PTPRD: variants seen among roughly 807,000 people sequenced by gnomAD.
The protein encoded by PTPRD is receptor-type tyrosine-protein phosphatase delta.
PTPRD carries 34 observed loss-of-function variants against 214.5 expected under a neutral mutation model. That is an observed-to-expected ratio of 0.16 (90% CI 0.12 to 0.21). PTPRD has a LOEUF of 0.21. Ranked by LOEUF, PTPRD falls within the 10% of genes least tolerant of loss-of-function variation. PTPRD has a pLI of 1.00. For missense variants in PTPRD, 2,545 were observed against 2,398.7 expected (o/e 1.06, Z -1.27); for synonymous variants, 1,128 against 845.7 (o/e 1.33, Z -5.79).
In PTPRD at chr9:8,803,969, C is replaced by CA. The variant is rs376927926; in HGVS notation, c.-103-70024dup. Among the ~76,000 whole-genome samples the CA allele has an allele frequency of 3.7e-3, 559 of 151,900 alleles. 3 individuals are homozygous for CA. Among genetic ancestry groups the CA allele is most frequent in the African/African-American group, 0.012 (479 of 41,462 alleles). ...CCCTCACTTCTTCCCTCCACCCCCC[C>CA]ACAGACGGAGTCTCGCTCTGTTGCC... On this transcript the variant is annotated intron_variant, in intron 11 of 45. Coordinates refer to ENST00000381196, the MANE Select transcript of PTPRD (RefSeq NM_002839.4).
intron 5 of PTPRD, among the ~76,000 whole-genome samples, chr9:9,926,407 C>G (rs1385954242): frequency 6.6e-6 from 1 of 151,646 alleles, no homozygotes; most frequent in Non-Finnish European, 1.5e-5. Context: ...GGGATAAAGC[C>G]AGGGAATATG....
chr9:10,362,674 G>A (rs978775485), intron 2 of PTPRD, among the ~76,000 whole-genome samples: 23 of 152,052 alleles, frequency 1.5e-4, no homozygotes, highest in Non-Finnish European at 2.6e-4. Context: ...GAGGTCAGGA[G>A]ATCGAGACCA....
At chr9:8,601,155 T>C (rs1025158082) in intron 14 of PTPRD, among the ~76,000 whole-genome samples, 6 of 152,252 alleles carry the variant, frequency 3.9e-5, no homozygotes, top group African/African-American at 9.6e-5. Flanking sequence ...GATGTTCCTC[T>C]ATCTGTGGAA....
At chr9:8,797,606 G>A (rs990657884) in intron 11 of PTPRD, among the ~76,000 whole-genome samples, 1 of 152,110 alleles carries the variant, frequency 6.6e-6, no homozygotes, top group Non-Finnish European at 1.5e-5. Flanking sequence ...AAACTCTCTG[G>A]AACTGTCTCA....
chr9:9,161,554 G>A (rs536654570), intron 10 of PTPRD, among the ~76,000 whole-genome samples: 2 of 152,146 alleles, frequency 1.3e-5, no homozygotes, highest in South Asian at 4.2e-4. Context: ...AGAAGCTAGA[G>A]ATGTAACAAA....
intron 9 of PTPRD, among the ~76,000 whole-genome samples, chr9:9,304,609 T>C (rs985438763): frequency 1.3e-5 from 2 of 151,808 alleles, no homozygotes; most frequent in African/African-American, 2.4e-5. Context: ...CTAATTTCTG[T>C]TGGAAAGCTC....
In PTPRD at chr9:9,504,026, C is replaced by T. The variant is rs566510393; in HGVS notation, c.-237+70706G>A. On this transcript the variant is annotated intron_variant, in intron 8 of 45. Transcript: ENST00000381196. ...TTATTCCTTTAAAAATCTTTGTCTT[C>T]CTTTACCTCCCCAAATGCACCACAT... 4.0e-5 allele frequency among the ~76,000 whole-genome samples: 6 copies of T among 151,778 alleles called. No homozygotes were observed. In the East Asian group the frequency reaches 1.2e-3, roughly 29 times the overall value.
At chr9:9,749,500 A>T (rs1049898853) in intron 6 of PTPRD, among the ~76,000 whole-genome samples, 1 of 152,160 alleles carries the variant, frequency 6.6e-6, no homozygotes, top group African/African-American at 2.4e-5. Flanking sequence ...TGATTATAAT[A>T]AAACACTGGA....
Position 8,430,887 on chromosome 9 carries a change from T to G in PTPRD, c.4086+5705A>C, listed in dbSNP as rs572131617. Among the ~76,000 whole-genome samples, 6 of 152,338 alleles carry G rather than the reference T, an allele frequency of 3.9e-5. No individual in the cohort carries two copies. In the South Asian group the frequency reaches 6.2e-4, roughly 16 times the overall value. On this transcript the variant is annotated intron_variant, in intron 35 of 45. Coordinates refer to ENST00000381196, the MANE Select transcript of PTPRD (RefSeq NM_002839.4). ...CTGAATCCCAATAACATTCCAGCAC[T>G]TAAGATTACCTCCTTGGTGTAATTC...
intron 2 of PTPRD, among the ~76,000 whole-genome samples, chr9:10,495,492 T>A (rs2041787816): frequency 6.6e-6 from 1 of 151,882 alleles, no homozygotes; most frequent in Admixed American, 6.6e-5. Flanking sequence ...AGGAATTTGT[T>A]CTGCCTAGAA....
intron 7 of PTPRD, among the ~76,000 whole-genome samples, chr9:9,650,401 T>C (rs1230765095): frequency 6.6e-6 from 1 of 152,220 alleles, no homozygotes; most frequent in African/African-American, 2.4e-5. Context: ...TGAACCAACC[T>C]TGTTTCCCTA....
intron 5 of PTPRD, among the ~76,000 whole-genome samples, chr9:9,821,333 AT>A: frequency 6.6e-6 from 1 of 152,164 alleles, no homozygotes; most frequent in Non-Finnish European, 1.5e-5. Flanking sequence ...ATGTAATTGA[AT>A]TTTATGGCTT....
intron 2 of PTPRD, among the ~76,000 whole-genome samples, chr9:10,367,840 C>CT (rs999632103): frequency 6.6e-6 from 1 of 152,040 alleles, no homozygotes; most frequent in African/African-American, 2.4e-5. Context: ...TAGGAAAGTA[C>CT]TTTACCTCCT....
chr9:8,694,319 A>C (rs1055278520), intron 12 of PTPRD, among the ~76,000 whole-genome samples: 1 of 152,140 alleles, frequency 6.6e-6, no homozygotes, highest in African/African-American at 2.4e-5. Flanking sequence ...CATGTTTAGC[A>C]AAAGGAAGCA....
chr9:8,694,862 T>G (rs1345290352), intron 12 of PTPRD, among the ~76,000 whole-genome samples: 1 of 152,222 alleles, frequency 6.6e-6, no homozygotes, highest in Non-Finnish European at 1.5e-5. Context: ...GCCCCATGGC[T>G]TGGAACTGTA....
chr9:9,275,066 T>TAATA (rs372180743), intron 9 of PTPRD, among the ~76,000 whole-genome samples: 4 of 73,038 alleles, frequency 5.5e-5, no homozygotes, highest in African/African-American at 2.4e-4. Flanking sequence ...TATATATATA[T>TAATA]TATATATATA....
At chr9:8,701,318 G>A (rs2098078539) in intron 12 of PTPRD, 1 of 151,926 alleles carries the variant, frequency 6.6e-6, no homozygotes, top group Non-Finnish European at 1.5e-5. Context: ...ATGACAGAAA[G>A]TAAATTTCTC....
rs147288488 is a variant in PTPRD, at chr9:8,481,097, G to A, written c.3413+3022C>T. Among the ~76,000 whole-genome samples the A allele has an allele frequency of 1.7e-3, 230 of 133,928 alleles. 1 individual carries two copies. Among genetic ancestry groups the A allele is most frequent in the African/African-American group, 6.2e-3 (213 of 34,420 alleles). The allele number at this position is 133,928 out of a possible 152,430, so 87.9% of individuals were successfully genotyped here. Reference sequence around the variant, plus strand: ...GGAGCTTGCAGTGAGCAGAGATGGCGCCACTGCACGCCGGCCTGGGCAACA... The same window carrying A: ...GGAGCTTGCAGTGAGCAGAGATGGCACCACTGCACGCCGGCCTGGGCAACA... On this transcript the variant is annotated intron_variant, in intron 30 of 45. Transcript: ENST00000381196.
At chr9:10,214,358 C>T (rs753819487) in intron 3 of PTPRD, among the ~76,000 whole-genome samples, 1 of 151,814 alleles carries the variant, frequency 6.6e-6, no homozygotes, top group Non-Finnish European at 1.5e-5. Context: ...CTCACTGCAA[C>T]CTCTACCTCC....
Sources: gnomAD v4.1 joint callset for allele counts (sites outside exome capture counted in the v4.1 genomes callset) on GRCh38, gnomAD v4.1.1 for gene constraint, MANE v1.5 for transcripts, NCBI Gene and HGNC (gene_info 2026-07-23, HGNC 2026-07-21) for gene names.